Variants in GALNT18 observed in about 807,000 individuals in gnomAD.
GALNT18 encodes polypeptide N-acetylgalactosaminyltransferase 18.
A neutral mutation model predicts 69.5 loss-of-function variants in GALNT18; 44 were observed. That is an observed-to-expected ratio of 0.63 (90% CI 0.50 to 0.81). GALNT18 has a LOEUF of 0.81. GALNT18 is among the 40% of genes least tolerant of loss of function. The probability of loss-of-function intolerance (pLI) is 0.00; values close to 1 mark genes in which losing one functional copy is unlikely to be tolerated. For missense variants in GALNT18, 715 were observed against 810.0 expected (o/e 0.88, Z 1.42); for synonymous variants, 364 against 318.2 (o/e 1.14, Z -1.53).
chr11:11,308,176 C>T (rs1324783821), intron 9 of GALNT18, among the ~76,000 whole-genome samples: 2 of 152,144 alleles, frequency 1.3e-5, no homozygotes, highest in African/African-American at 2.4e-5. Flanking sequence ...TCTCCATATA[C>T]GACTCTACTC....
intron 1 of GALNT18, among the ~76,000 whole-genome samples, chr11:11,458,373 C>G (rs912806723): frequency 2.6e-5 from 4 of 152,200 alleles, no homozygotes; most frequent in African/African-American, 9.7e-5. Flanking sequence ...AAAATTCACC[C>G]ATTTTAAATG....
intron 3 of GALNT18, among the ~76,000 whole-genome samples, chr11:11,405,775 G>A (rs1455837037): frequency 1.3e-5 from 2 of 152,246 alleles, no homozygotes; most frequent in African/African-American, 4.8e-5. Flanking sequence ...TCCTGAGAGT[G>A]AGAAAAGTCA....
At chr11:11,397,826 A>G (rs1450987192) in intron 3 of GALNT18, among the ~76,000 whole-genome samples, 1 of 152,172 alleles carries the variant, frequency 6.6e-6, no homozygotes, top group African/African-American at 2.4e-5. Context: ...GGAGATTCAA[A>G]ATTGCAGTTG....
At chr11:11,485,167 T>TGAC (rs1216121059) in intron 1 of GALNT18, among the ~76,000 whole-genome samples, 2 of 152,202 alleles carry the variant, frequency 1.3e-5, no homozygotes, top group African/African-American at 4.8e-5. Flanking sequence ...CACAACATTT[T>TGAC]GACAATCAGT....
At chr11:11,326,964 T>TG (rs1849932269) in intron 9 of GALNT18, 122 bp downstream of exon 9, 2 of 705,734 alleles carry the variant, frequency 2.8e-6, no homozygotes, top group Non-Finnish European at 4.9e-6. Flanking sequence ...CAGAGGCCCC[T>TG]GGTCCCAGAG....
chr11:11,539,637 C>T (rs1451897765), intron 1 of GALNT18, among the ~76,000 whole-genome samples: 1 of 152,276 alleles, frequency 6.6e-6, no homozygotes, highest in Non-Finnish European at 1.5e-5. Context: ...AGGGAAACTG[C>T]CCACTTGGGA....
chr11:11,519,526 G>T (rs1242883317), intron 1 of GALNT18, among the ~76,000 whole-genome samples: 1 of 152,216 alleles, frequency 6.6e-6, no homozygotes, highest in Non-Finnish European at 1.5e-5. Flanking sequence ...TGTTGGGAAA[G>T]GTGAGGAATG....
chr11:11,395,589 T>C (rs996950975), intron 3 of GALNT18, among the ~76,000 whole-genome samples: 11 of 152,184 alleles, frequency 7.2e-5, no homozygotes, highest in Non-Finnish European at 1.6e-4. Context: ...GGCCAATTGA[T>C]GTGTGGCAAA....
At chr11:11,352,085 G>A (rs758156893) in intron 6 of GALNT18, 24 of 1,613,616 alleles carry the variant, frequency 1.5e-5, no homozygotes, top group East Asian at 6.7e-5. Context: ...CGCTGCTGAC[G>A]GGCGTACTGC....
intron 1 of GALNT18, among the ~76,000 whole-genome samples, chr11:11,481,718 T>C (rs974609153): frequency 6.6e-6 from 1 of 152,028 alleles, no homozygotes. Context: ...CAGTGTGCAC[T>C]GAAGGAGTAG....
At position 11,404,064 on chromosome 11, in the gene GALNT18, C is replaced by T. The variant is rs891650208; in HGVS notation, c.596-24800G>A. Among the ~76,000 whole-genome samples, 7 of 152,204 alleles carry T rather than the reference C, an allele frequency of 4.6e-5. No homozygotes were observed. The highest frequency in any genetic ancestry group is 1.7e-4 in the African/African-American group (7 of 41,456). ...TCTGAGGGAGCTGTGCCCAGAGATA[C>T]CAGGCAAATGATGAGCGAATGCCCC... On this transcript the variant is annotated intron_variant, in intron 3 of 10. Coordinates refer to ENST00000227756, the MANE Select transcript of GALNT18 (RefSeq NM_198516.3). This position sits in a 1 kb window ranked among gnomAD's most constrained non-coding sequence, Gnocchi z 4.5.
rs529247669 is a variant in GALNT18 at position 11,293,139 on chromosome 11, C to T, written c.1567G>A (p.Val523Met). 2.6e-5 allele frequency: 36 copies of T among 1,360,768 alleles called. No individual in the cohort carries two copies. In the East Asian group the frequency reaches 2.8e-4, roughly 11 times the overall value. 84.3% of individuals were successfully genotyped at this position (1,360,768 alleles called of 1,614,324 possible). ...QIHVGILSPTVDDDDNRCLVD... is the reference protein window; with the variant it reads ...QIHVGILSPTMDDDDNRCLVD... The stretch of plus-strand genomic sequence containing the variant: ...AGGCATCGGTTGTCATCATCATCCA[C>T]GGTGGGGCTCAGAATGCCCACATGG... Residue 523 changes from valine to methionine, a missense_variant, in exon 10 of 11, where the codon GTG becomes ATG. Coordinates refer to ENST00000227756, the MANE Select transcript of GALNT18 (RefSeq NM_198516.3).
At chr11:11,457,896 A>T (rs34061353) in intron 1 of GALNT18, among the ~76,000 whole-genome samples, 1,725 of 152,344 alleles carry the variant, frequency 0.011, 21 homozygotes, top group Non-Finnish European at 0.019. Context: ...CCCTCAGGCC[A>T]TGCTTATAGC....
intron 1 of GALNT18, among the ~76,000 whole-genome samples, chr11:11,472,100 A>C (rs1246383061): frequency 6.6e-6 from 1 of 152,204 alleles, no homozygotes; most frequent in African/African-American, 2.4e-5. Flanking sequence ...GCAGCCAGGA[A>C]AGATCAAATG....
chr11:11,296,778 A>G (rs1343599462), intron 9 of GALNT18, among the ~76,000 whole-genome samples: 1 of 152,218 alleles, frequency 6.6e-6, no homozygotes, highest in Non-Finnish European at 1.5e-5. Flanking sequence ...TTAAAAACAA[A>G]ACAACAAAGT....
At chr11:11,395,651 T>A (rs1435429391) in intron 3 of GALNT18, among the ~76,000 whole-genome samples, 2 of 152,094 alleles carry the variant, frequency 1.3e-5, no homozygotes, top group African/African-American at 4.8e-5. Context: ...AAAAAACCAC[T>A]TTCAACAAGG....
intron 10 of GALNT18, among the ~76,000 whole-genome samples, chr11:11,279,115 G>A (rs1032670563): frequency 1.3e-5 from 2 of 152,098 alleles, no homozygotes; most frequent in African/African-American, 2.4e-5. Flanking sequence ...GAGTCTACAC[G>A]AGAGCTGGTC....
chr11:11,611,822 C>T (rs1052336309), intron 1 of GALNT18, among the ~76,000 whole-genome samples: 1 of 152,176 alleles, frequency 6.6e-6, no homozygotes, highest in Non-Finnish European at 1.5e-5. Context: ...CTGGAGGCCC[C>T]ACAGTGACCT....
At chr11:11,298,593 G>A (rs775136796) in intron 9 of GALNT18, among the ~76,000 whole-genome samples, 8 of 152,138 alleles carry the variant, frequency 5.3e-5, no homozygotes, top group Non-Finnish European at 1.2e-4. Flanking sequence ...GGGCCACCAT[G>A]AACTCACCCA....
Sources: gnomAD v4.1 joint callset for allele counts (sites outside exome capture counted in the v4.1 genomes callset) on GRCh38, gnomAD v4.1.1 for gene constraint, Gnocchi (gnomAD v3.1) non-coding constraint, MANE v1.5 for transcripts, NCBI Gene and HGNC (gene_info 2026-07-23, HGNC 2026-07-21) for gene names.